MGLL: variants seen among roughly 807,000 people sequenced by gnomAD.
The protein encoded by MGLL is lysophospholipase homolog.
Under a neutral mutation model 29.1 loss-of-function variants are expected in MGLL, and 7 were observed. The observed-to-expected ratio is 0.24, with a 90% CI of 0.14 to 0.45. The LOEUF (loss-of-function observed/expected upper bound fraction) is 0.45. Ranked by LOEUF, MGLL falls within the 20% of genes least tolerant of loss-of-function variation. The probability of loss-of-function intolerance (pLI) is 0.99; values close to 1 mark genes in which losing one functional copy is unlikely to be tolerated. For missense variants in MGLL, 356 were observed against 413.6 expected, an observed-to-expected ratio of 0.86 and a Z score of 1.21; for synonymous variants, 148 against 168.3, an observed-to-expected ratio of 0.88 and a Z score of 0.93.
chr3:127,772,666 T>C (rs6793064), intron 3 of MGLL, among the ~76,000 whole-genome samples: 1,541 of 152,290 alleles, frequency 0.01, 34 homozygotes, highest in African/African-American at 0.035. Context: ...GGGCTGTGTA[T>C]GCATCCAAAA....
At chr3:127,710,852 TCAGCCTGGCTCTGCTC>T in intron 5 of MGLL, 187 bp from the exon 6 acceptor site, 1 of 624,436 alleles carries the variant, frequency 1.6e-6, no homozygotes, top group Non-Finnish European at 2.9e-6. Flanking sequence ...CAGCCTCTAT[TCAGCCTGGCTCTGCTC>T]CACCTTGGGG....
chr3:127,821,902 G>A, intron 1 of MGLL, 64 bp from the exon 2 acceptor site: 2 of 1,535,168 alleles, frequency 1.3e-6, no homozygotes, highest in South Asian at 2.4e-5. Flanking sequence ...GGATAGGAGA[G>A]AAAAGTCTAG....
chr3:127,766,738 T>C (rs577234401), intron 3 of MGLL, among the ~76,000 whole-genome samples: 2 of 152,206 alleles, frequency 1.3e-5, no homozygotes, highest in Admixed American at 6.5e-5. Context: ...AATGAGCTCT[T>C]TTCTTTCAAA....
At chr3:127,741,150 T>C (rs2076333035) in intron 3 of MGLL, among the ~76,000 whole-genome samples, 1 of 152,244 alleles carries the variant, frequency 6.6e-6, no homozygotes, top group Admixed American at 6.5e-5. Context: ...CTGTTTCCTC[T>C]ACATTCCATG....
chr3:127,802,269 C>G (rs926638365), intron 2 of MGLL, among the ~76,000 whole-genome samples: 18 of 152,206 alleles, frequency 1.2e-4, no homozygotes. Flanking sequence ...ACTTCACTTA[C>G]TTAGGTGCAT....
chr3:127,714,155 A>G (rs1372806611), intron 5 of MGLL: 1 of 151,668 alleles, frequency 6.6e-6, no homozygotes, highest in African/African-American at 2.4e-5. Flanking sequence ...TGAACAATGC[A>G]AGGGGCTGGT....
At chr3:127,730,888 G>A (rs187268162) in intron 3 of MGLL, among the ~76,000 whole-genome samples, 22 of 152,318 alleles carry the variant, frequency 1.4e-4, no homozygotes, top group Non-Finnish European at 2.2e-4. Flanking sequence ...GGAATGCACC[G>A]TGCATGTGCC....
At chr3:127,784,690 T>G (rs1406180793) in intron 2 of MGLL, among the ~76,000 whole-genome samples, 1 of 152,128 alleles carries the variant, frequency 6.6e-6, no homozygotes, top group African/African-American at 2.4e-5. Flanking sequence ...ACACCTGGAC[T>G]CATTCTGATC....
intron 2 of MGLL, among the ~76,000 whole-genome samples, chr3:127,786,885 T>C (rs1376180507): frequency 6.6e-6 from 1 of 152,194 alleles, no homozygotes; most frequent in Non-Finnish European, 1.5e-5. Flanking sequence ...GGTAAGCCAC[T>C]TGCCGGGTGA....
chr3:127,702,965 G>T (rs978636084), intron 6 of MGLL, among the ~76,000 whole-genome samples: 1 of 152,168 alleles, frequency 6.6e-6, no homozygotes, highest in Non-Finnish European at 1.5e-5. Flanking sequence ...AAATTGCTGG[G>T]ATTACAGGCA....
intron 3 of MGLL, among the ~76,000 whole-genome samples, chr3:127,780,959 G>C (rs1055574884): frequency 3.3e-5 from 5 of 152,352 alleles, no homozygotes; most frequent in African/African-American, 1.2e-4. Context: ...CCTAGCCATA[G>C]AGAATGTTGC....
intron 3 of MGLL, among the ~76,000 whole-genome samples, chr3:127,735,043 G>C (rs1319375876): frequency 6.6e-6 from 1 of 152,268 alleles, no homozygotes. Context: ...GGAGCCCGAC[G>C]TGGGAGTCTT....
intron 3 of MGLL, among the ~76,000 whole-genome samples, chr3:127,728,200 C>A (rs1363011928): frequency 1.3e-5 from 2 of 152,278 alleles, no homozygotes; most frequent in East Asian, 3.9e-4. Context: ...ACTTCTACCC[C>A]ATCTCCTCCA....
chr3:127,807,714 C>T (rs2077590502), intron 2 of MGLL, among the ~76,000 whole-genome samples: 1 of 150,454 alleles, frequency 6.6e-6, no homozygotes, highest in African/African-American at 2.5e-5. Context: ...GTTTTCTGAC[C>T]CCTACTCTGG....
At chr3:127,766,156 T>C (rs607371) in intron 3 of MGLL, among the ~76,000 whole-genome samples, 147,540 of 152,138 alleles carry the variant, frequency 0.97, 71,669 homozygotes, top group Non-Finnish European at 1. Flanking sequence ...CTGGGCCCTC[T>C]CTCCCTCTCC....
At chr3:127,726,186 AAAGAAAAGAAAGAAAGAAAGAC>A (rs2076038529) in intron 3 of MGLL, among the ~76,000 whole-genome samples, 62 of 15,070 alleles carry the variant, frequency 4.1e-3, no homozygotes, top group Middle Eastern at 0.05. Context: ...GAAAGAAAGA[AAAGAAAAGAAAGAAAGAAAGAC>A]AGAAGGAAGG....
intron 2 of MGLL, among the ~76,000 whole-genome samples, chr3:127,803,978 G>A (rs971540503): frequency 6.6e-6 from 1 of 152,050 alleles, no homozygotes; most frequent in Non-Finnish European, 1.5e-5. Context: ...TTTTCTCCTT[G>A]TGGTCACCTA....
At chr3:127,748,479 T>C (rs2076495388) in intron 3 of MGLL, among the ~76,000 whole-genome samples, 1 of 151,764 alleles carries the variant, frequency 6.6e-6, no homozygotes. Context: ...TGGGCTGAGC[T>C]GTTTCCCCAG....
At chr3:127,714,370 G>T (rs976498183) in intron 5 of MGLL, among the ~76,000 whole-genome samples, 2 of 152,172 alleles carry the variant, frequency 1.3e-5, no homozygotes, top group African/African-American at 2.4e-5. Flanking sequence ...CCAGCTGAGC[G>T]CTGGCTGCCC....
Sources: allele counts gnomAD v4.1 joint callset (sites outside exome capture counted in the v4.1 genomes callset), GRCh38; gene constraint gnomAD v4.1.1; transcripts MANE v1.5; gene names NCBI Gene and HGNC (gene_info 2026-07-23, HGNC 2026-07-21).